UBE2Q2: variants seen among roughly 807,000 people sequenced by gnomAD.
UBE2Q2 encodes ubiquitin-conjugating enzyme E2 Q2.
In UBE2Q2, 54 loss-of-function variants were observed where a neutral mutation model predicts 59.9. The observed-to-expected ratio is 0.90, with a 90% CI of 0.72 to 1.13. The LOEUF is 1.13. Ranked by LOEUF, UBE2Q2 falls within the 50% of genes most tolerant of loss-of-function variation. UBE2Q2 has a pLI of 0.00. For missense variants in UBE2Q2, 433 were observed against 441.9 expected, an observed-to-expected ratio of 0.98 and a Z score of 0.18; for synonymous variants, 165 against 155.2, an observed-to-expected ratio of 1.06 and a Z score of -0.47.
At chr15:75,852,832 A>G (rs894794182) in intron 1 of UBE2Q2, among the ~76,000 whole-genome samples, 1 of 152,224 alleles carries the variant, frequency 6.6e-6, no homozygotes, top group Admixed American at 6.5e-5. Flanking sequence ...GAAAATAGTA[A>G]ATAACCCATT....
chr15:75,885,096 T>C (rs1241577745), intron 9 of UBE2Q2, among the ~76,000 whole-genome samples: 1 of 152,202 alleles, frequency 6.6e-6, no homozygotes, highest in South Asian at 2.1e-4. Flanking sequence ...CTCAAAATGT[T>C]CTGTAAGCAC....
At position 75,843,794 on chromosome 15, in the gene UBE2Q2, A is replaced by C. The variant is rs138078011; in HGVS notation, c.128A>C (p.Gln43Pro). The change falls in exon 1 of 13, where the codon CAG becomes CCG. Residue 43 changes from glutamine to proline, a missense_variant. By Grantham distance (76) the Gln-to-Pro change is moderately conservative. Transcript: ENST00000267938. ...ELHCQFLVPQ[Q>P]GSPHSLPPPL... ...CACTGCCAGTTCCTGGTGCCGCAGCAGGGCAGCCCGCACTCGCTGCCGCCG... is the reference window on the plus strand; with the variant it reads ...CACTGCCAGTTCCTGGTGCCGCAGCCGGGCAGCCCGCACTCGCTGCCGCCG... The C allele has an allele frequency of 6.8e-4, 1,094 of 1,607,082 alleles. 6 individuals are homozygous for C. The African/African-American group carries it at 0.013, about 20-fold the overall frequency.
Position 75,848,083 on chromosome 15 carries a change from C to G in UBE2Q2, c.180+4237C>G, listed in dbSNP as rs540498135. On this transcript the variant is annotated intron_variant, in intron 1 of 12. Coordinates refer to ENST00000267938, the MANE Select transcript of UBE2Q2 (RefSeq NM_173469.4). ...TTAGTAGTTAGGAGCTTAAGTAAGTCACTTCTTTTACTGTGTTTCTGTGTA... is the reference window on the plus strand; with the variant it reads ...TTAGTAGTTAGGAGCTTAAGTAAGTGACTTCTTTTACTGTGTTTCTGTGTA... Among the ~76,000 whole-genome samples the G allele has an allele frequency of 2.4e-3, 359 of 152,194 alleles. 2 individuals are homozygous for G. Among genetic ancestry groups the G allele is most frequent in the African/African-American group, 8.5e-3 (351 of 41,524 alleles).
At chr15:75,868,623 A>G (rs1897629207) in intron 3 of UBE2Q2, among the ~76,000 whole-genome samples, 1 of 152,224 alleles carries the variant, frequency 6.6e-6, no homozygotes, top group African/African-American at 2.4e-5. Context: ...GATCTTATGC[A>G]TATAGCCATA....
At chr15:75,882,505 A>T (rs994011318) in intron 8 of UBE2Q2, among the ~76,000 whole-genome samples, 1 of 152,208 alleles carries the variant, frequency 6.6e-6, no homozygotes, top group African/African-American at 2.4e-5. Flanking sequence ...CTCATTAGGG[A>T]TTCACATGTT....
chr15:75,896,767 G>T (rs1910510), intron 11 of UBE2Q2, among the ~76,000 whole-genome samples: 140,484 of 152,190 alleles, frequency 0.92, 65,443 homozygotes, highest in East Asian at 1. Flanking sequence ...AAAATGAACT[G>T]TGAGGCTTGT....
At chr15:75,851,004 TG>T (rs1567015104) in intron 1 of UBE2Q2, among the ~76,000 whole-genome samples, 2 of 152,262 alleles carry the variant, frequency 1.3e-5, no homozygotes, top group Non-Finnish European at 2.9e-5. Context: ...CTCTGTCATT[TG>T]CTTTTGCATT....
chr15:75,860,622 T>C (rs28517446), intron 3 of UBE2Q2, among the ~76,000 whole-genome samples: 4,032 of 152,256 alleles, frequency 0.026, 203 homozygotes, highest in African/African-American at 0.092. Flanking sequence ...ATTTCCTTTC[T>C]TGGTGCAGCT....
At chr15:75,884,877 G>A (rs1567038710) in intron 9 of UBE2Q2, among the ~76,000 whole-genome samples, 2 of 152,164 alleles carry the variant, frequency 1.3e-5, no homozygotes, top group Non-Finnish European at 2.9e-5. Flanking sequence ...TTGAACTCCT[G>A]GGCTGAAGCC....
intron 8 of UBE2Q2, 91 bp from the exon 9 acceptor site, chr15:75,883,275 A>G: frequency 8.4e-7 from 1 of 1,194,616 alleles, no homozygotes; most frequent in Non-Finnish European, 1.2e-6. Context: ...ATAAATGTAC[A>G]CATTCTTTAT....
intron 2 of UBE2Q2, among the ~76,000 whole-genome samples, chr15:75,856,269 GTATATATATATATA>G (rs60490503): frequency 3.6e-5 from 5 of 139,266 alleles, no homozygotes; most frequent in South Asian, 2.3e-4. Flanking sequence ...GTGTGTGTGT[GTATATATATATATA>G]TATATATATA....
At chr15:75,877,840 T>C in intron 6 of UBE2Q2, 121 bp from the exon 7 acceptor site, 1 of 705,570 alleles carries the variant, frequency 1.4e-6, no homozygotes, top group Non-Finnish European at 2.3e-6. Context: ...ATAGCTTAGT[T>C]GTTCCATGTT....
chr15:75,872,908 G>T (rs1897875862), intron 4 of UBE2Q2, among the ~76,000 whole-genome samples: 1 of 152,104 alleles, frequency 6.6e-6, no homozygotes, highest in African/African-American at 2.4e-5. Context: ...TTTCGTTACA[G>T]GAGAAATTAG....
intron 1 of UBE2Q2, among the ~76,000 whole-genome samples, chr15:75,845,596 A>G (rs943334369): frequency 3.9e-5 from 6 of 152,094 alleles, no homozygotes; most frequent in Admixed American, 2.0e-4. Flanking sequence ...GGGAGAATGT[A>G]TCTTTCATCC....
In UBE2Q2 at chr15:75,900,132, TG is replaced by T. The variant is rs1899674265; in HGVS notation, c.*676del. 1 of 152,360 alleles carries T rather than the reference TG, an allele frequency of 6.6e-6. No individual in the cohort carries two copies. The highest frequency in any genetic ancestry group is 6.5e-5 in the Admixed American group (1 of 15,276). The allele number at this position is 152,360 out of a possible 1,614,324, so 9.4% of individuals were successfully genotyped here. A position where few individuals can be genotyped will look rare whatever the true frequency, so the allele number is the denominator to read the frequency against. On this transcript the variant is annotated 3_prime_UTR_variant, in exon 13 of 13. Coordinates refer to ENST00000267938, the MANE Select transcript of UBE2Q2 (RefSeq NM_173469.4). ...GATTTCCACTGGGGCATCAGAGTCT[TG>T]GCTGGGCTGAATCTGCTGCTTGTTG... is the stretch of plus-strand genomic sequence containing the variant.
At chr15:75,849,390 T>C (rs1896522568) in intron 1 of UBE2Q2, among the ~76,000 whole-genome samples, 1 of 152,222 alleles carries the variant, frequency 6.6e-6, no homozygotes, top group Non-Finnish European at 1.5e-5. Context: ...TGAAGATAGC[T>C]GTGTCCTACA....
intron 3 of UBE2Q2, among the ~76,000 whole-genome samples, chr15:75,861,480 AT>A (rs1897205770): frequency 6.6e-6 from 1 of 152,158 alleles, no homozygotes; most frequent in Non-Finnish European, 1.5e-5. Flanking sequence ...AGTACACCAA[AT>A]GGATAGGCCT....
At chr15:75,874,407 C>T (rs1167001771) in intron 5 of UBE2Q2, among the ~76,000 whole-genome samples, 3 of 151,968 alleles carry the variant, frequency 2.0e-5, no homozygotes, top group African/African-American at 7.3e-5. Flanking sequence ...CCTCACCCTC[C>T]TGTGCAGCTG....
At chr15:75,857,555 C>T in intron 2 of UBE2Q2, among the ~76,000 whole-genome samples, 1 of 152,108 alleles carries the variant, frequency 6.6e-6, no homozygotes, top group Admixed American at 6.6e-5. Flanking sequence ...ATTCTGCCTT[C>T]ATCATTGCAC....
Sources: gnomAD v4.1 joint callset for allele counts (sites outside exome capture counted in the v4.1 genomes callset) on GRCh38, gnomAD v4.1.1 for gene constraint, MANE v1.5 for transcripts, NCBI Gene and HGNC (gene_info 2026-07-23, HGNC 2026-07-21) for gene names.